The following FAAH2 variants were observed in gnomAD, a reference collection of about 807,000 sequenced individuals.
FAAH2 encodes the protein fatty acid amide hydrolase 2.
Under a neutral mutation model 36.9 loss-of-function variants are expected in FAAH2, and 60 were observed. The ratio of observed to expected loss-of-function variants is 1.63; its 90% confidence interval spans 1.32 to 2.02. FAAH2 has a LOEUF of 2.02. FAAH2 is among the 30% of genes most tolerant of loss of function. FAAH2 has a pLI of 0.00. For synonymous variants in FAAH2, 214 were observed against 143.8 expected (o/e 1.49, Z -3.49); for missense variants, 689 against 397.5 (o/e 1.73, Z -6.23).
the FAAH2 span, among the ~76,000 whole-genome samples, chrX:57,165,333 A>G: frequency 8.9e-6 from 1 of 112,733 alleles, no homozygotes; most frequent in African/African-American, 3.2e-5. Flanking sequence ...AATGTGGCAC[A>G]TATACACCAT....
chrX:57,466,165 T>C (rs1423197303), intron 10 of FAAH2, among the ~76,000 whole-genome samples: 2 of 102,244 alleles, frequency 2.0e-5, no homozygotes, highest in East Asian at 6.1e-4. Context: ...TCTATATATA[T>C]ATATATATAT....
At chrX:57,274,127 A>G in the FAAH2 span, among the ~76,000 whole-genome samples, 1 of 112,354 alleles carries the variant, frequency 8.9e-6, no homozygotes, top group Admixed American at 9.4e-5. Context: ...AGAATACAAT[A>G]AATGCCTCTA....
intron 7 of FAAH2, among the ~76,000 whole-genome samples, chrX:57,412,347 T>G (rs2055720623): frequency 9.0e-6 from 1 of 111,577 alleles, no homozygotes; most frequent in Non-Finnish European, 1.9e-5. Flanking sequence ...AAATTAGGTA[T>G]TTCTTCTAAT....
At chrX:57,486,931 T>G (rs1047202252) in intron 10 of FAAH2, among the ~76,000 whole-genome samples, 1 of 111,919 alleles carries the variant, frequency 8.9e-6, no homozygotes, top group African/African-American at 3.2e-5. Context: ...GGACTGGAAC[T>G]GCAGAACTCC....
At chrX:57,386,782 A>G (rs1464050732) in intron 7 of FAAH2, among the ~76,000 whole-genome samples, 2 of 112,339 alleles carry the variant, frequency 1.8e-5, no homozygotes, top group Admixed American at 9.5e-5. Context: ...ACTAATCAAG[A>G]GTCTCACTGT....
chrX:57,374,559 G>A (rs896597154), intron 5 of FAAH2, among the ~76,000 whole-genome samples: 10 of 111,853 alleles, frequency 8.9e-5, no homozygotes, highest in African/African-American at 1.6e-4. Context: ...CATTAATTTC[G>A]TATCCTGAAA....
At chrX:57,131,365 G>C in the FAAH2 span, among the ~76,000 whole-genome samples, 1 of 111,193 alleles carries the variant, frequency 9.0e-6, no homozygotes, top group Non-Finnish European at 1.9e-5. Flanking sequence ...GATTACAGGC[G>C]TGAGCCACCG....
At chrX:57,383,025 C>T (rs373510766) in intron 7 of FAAH2, among the ~76,000 whole-genome samples, 114 of 111,532 alleles carry the variant, frequency 1.0e-3, no homozygotes, top group African/African-American at 3.4e-3. Flanking sequence ...GTTTAACATA[C>T]GCAAATCAAT....
At chrX:57,486,009 A>C (rs1439505719) in intron 10 of FAAH2, among the ~76,000 whole-genome samples, 1 of 111,584 alleles carries the variant, frequency 9.0e-6, no homozygotes, top group Non-Finnish European at 1.9e-5. Context: ...GTTGAGTGGA[A>C]TGGTGAGCTG....
At chrX:57,468,232 AC>A (rs1490148053) in intron 10 of FAAH2, among the ~76,000 whole-genome samples, 3 of 112,154 alleles carry the variant, frequency 2.7e-5, no homozygotes, top group Non-Finnish European at 5.6e-5. Context: ...CAGCAATGGA[AC>A]AAAGCTGGAT....
the FAAH2 span, among the ~76,000 whole-genome samples, chrX:57,169,076 C>T: frequency 1.2e-3 from 128 of 111,205 alleles, 1 homozygote; most frequent in Middle Eastern, 4.6e-3. Flanking sequence ...CTCACTGTGT[C>T]TTCACATGGC....
chrX:57,224,121 T>C, the FAAH2 span, among the ~76,000 whole-genome samples: 2 of 111,556 alleles, frequency 1.8e-5, no homozygotes, highest in African/African-American at 6.6e-5. Flanking sequence ...CTTACCAGAC[T>C]CTGAGCCACT....
chrX:57,407,719 A>G (rs2055602327), intron 7 of FAAH2, among the ~76,000 whole-genome samples: 1 of 111,688 alleles, frequency 9.0e-6, no homozygotes. Context: ...AGGGGCTCGC[A>G]TTGGAGAAGC....
the FAAH2 span, among the ~76,000 whole-genome samples, chrX:57,227,281 G>T: frequency 9.0e-6 from 1 of 111,231 alleles, no homozygotes; most frequent in Non-Finnish European, 1.9e-5. Flanking sequence ...GGTAGACTCT[G>T]TCAGAGGGAA....
At chrX:57,249,264 G>A in the FAAH2 span, among the ~76,000 whole-genome samples, 2 of 111,888 alleles carry the variant, frequency 1.8e-5, no homozygotes, top group Non-Finnish European at 3.8e-5. Flanking sequence ...TCTGATGAAT[G>A]TATAAGTTAA....
intron 10 of FAAH2, among the ~76,000 whole-genome samples, chrX:57,469,526 ATCAAT>A (rs2057118244): frequency 1.8e-5 from 2 of 112,275 alleles, no homozygotes; most frequent in South Asian, 7.4e-4. Flanking sequence ...TAAAAAAGTG[ATCAAT>A]TCAATAAGAA....
At chrX:57,238,168 A>C in the FAAH2 span, among the ~76,000 whole-genome samples, 8 of 112,083 alleles carry the variant, frequency 7.1e-5, no homozygotes, top group Admixed American at 5.7e-4. Flanking sequence ...AAGTAATATA[A>C]ATTTTTCTGC....
chrX:57,219,016 G>T, the FAAH2 span, among the ~76,000 whole-genome samples: 1 of 111,885 alleles, frequency 8.9e-6, no homozygotes, highest in Non-Finnish European at 1.9e-5. Flanking sequence ...GGCCACTTGC[G>T]TCAGCAGTGT....
intron 5 of FAAH2, among the ~76,000 whole-genome samples, chrX:57,362,499 G>T (rs149207728): frequency 7.1e-4 from 79 of 111,576 alleles, no homozygotes; most frequent in Middle Eastern, 9.2e-3. Flanking sequence ...CTGGATATTA[G>T]GCCTTTGTCA....
Sources: allele counts gnomAD v4.1 joint callset (sites outside exome capture counted in the v4.1 genomes callset), GRCh38; gene constraint gnomAD v4.1.1; transcripts MANE v1.5; gene names NCBI Gene and HGNC (gene_info 2026-07-23, HGNC 2026-07-21).